Variants in SYN2 observed in about 807,000 individuals in gnomAD.
SYN2 encodes the protein synapsin II.
In SYN2, 19 loss-of-function variants were observed where a neutral mutation model predicts 50.9. The ratio of observed to expected loss-of-function variants is 0.37; its 90% CI spans 0.26 to 0.55. SYN2 has a LOEUF of 0.55. SYN2 is among the 20% of genes least tolerant of loss of function. The pLI is 0.81. For missense variants in SYN2, 587 were observed against 576.4 expected (o/e 1.02, Z -0.19); for synonymous variants, 255 against 224.9 (o/e 1.13, Z -1.20).
chr3:12,018,239 G>C (rs1694062634), intron 1 of SYN2, among the ~76,000 whole-genome samples: 2 of 152,144 alleles, frequency 1.3e-5, no homozygotes, highest in South Asian at 4.1e-4. Flanking sequence ...ATTTAGATTA[G>C]TGAGGAAGGA....
intron 1 of SYN2, chr3:12,071,502 G>T (rs1303156637): frequency 4.9e-6 from 2 of 407,474 alleles, no homozygotes; most frequent in Middle Eastern, 8.3e-4. Context: ...CTTGAAGCTT[G>T]TATCTGATAT....
intron 5 of SYN2, among the ~76,000 whole-genome samples, chr3:12,159,852 A>C (rs530023517): frequency 3.7e-4 from 56 of 151,640 alleles, no homozygotes; most frequent in African/African-American, 1.2e-3. Context: ...AGATCACCCT[A>C]GCCATCATGA....
intron 3 of SYN2, 41 bp downstream of exon 3, chr3:12,142,037 C>T (rs759357165): frequency 2.7e-5 from 21 of 779,042 alleles, no homozygotes; most frequent in Non-Finnish European, 2.6e-5. Flanking sequence ...TGACTGTCTC[C>T]AGAGTTACTA....
chr3:12,095,404 T>G (rs13061425), intron 1 of SYN2, among the ~76,000 whole-genome samples: 7,034 of 121,376 alleles, frequency 0.058, 203 homozygotes, highest in Non-Finnish European at 0.073. Flanking sequence ...AAAAATTAGC[T>G]GGGCATGGTG....
At chr3:12,098,675 A>G (rs985935081) in intron 1 of SYN2, among the ~76,000 whole-genome samples, 1 of 151,864 alleles carries the variant, frequency 6.6e-6, no homozygotes, top group Non-Finnish European at 1.5e-5. Context: ...ATATAGGGAA[A>G]ACAAGCAACA....
chr3:12,093,543 CT>C (rs1695871725), intron 1 of SYN2, among the ~76,000 whole-genome samples: 2 of 152,076 alleles, frequency 1.3e-5, no homozygotes. Flanking sequence ...TACATTTGGT[CT>C]TAATAATGGG....
intron 1 of SYN2, among the ~76,000 whole-genome samples, chr3:12,085,217 G>A (rs1695669071): frequency 2.0e-5 from 3 of 151,578 alleles, no homozygotes; most frequent in Non-Finnish European, 4.4e-5. Context: ...AAAGGAGCAG[G>A]AATAGCTATA....
chr3:12,053,526 G>GC (rs1462363051), intron 1 of SYN2, among the ~76,000 whole-genome samples: 1 of 151,900 alleles, frequency 6.6e-6, no homozygotes, highest in Non-Finnish European at 1.5e-5. Context: ...AGGTCTCACA[G>GC]CCCCCCTCTA....
At chr3:12,187,125 TC>T (rs1419797708) in intron 11 of SYN2, among the ~76,000 whole-genome samples, 2 of 152,096 alleles carry the variant, frequency 1.3e-5, no homozygotes, top group Non-Finnish European at 2.9e-5. Flanking sequence ...CGTCCCTGGT[TC>T]CTCCTTGTCC....
At chr3:12,114,166 T>C (rs1159322930) in intron 1 of SYN2, among the ~76,000 whole-genome samples, 1 of 152,060 alleles carries the variant, frequency 6.6e-6, no homozygotes, top group African/African-American at 2.4e-5. Context: ...TGATATCTCA[T>C]TGTGGTTTTG....
intron 7 of SYN2, among the ~76,000 whole-genome samples, chr3:12,162,967 G>A (rs777286653): frequency 2.0e-4 from 30 of 152,110 alleles, no homozygotes; most frequent in Non-Finnish European, 3.4e-4. Context: ...TGGGCCAGGC[G>A]CGGTGGCTCA....
chr3:12,101,727 T>G (rs1280108582), intron 1 of SYN2, among the ~76,000 whole-genome samples: 3 of 152,192 alleles, frequency 2.0e-5, no homozygotes, highest in Admixed American at 6.5e-5. Context: ...CTATGGCCCT[T>G]AAGCATGTTA....
chr3:12,070,255 G>T, intron 1 of SYN2: 1 of 462,334 alleles, frequency 2.2e-6, no homozygotes. Context: ...GCTGGTCATT[G>T]ACAGTGTCTC....
chr3:12,177,343 T>C lies in SYN2; in HGVS notation c.1309-5969T>C, dbSNP rs529320115. On this transcript the variant is annotated intron_variant, in intron 10 of 12. Coordinates refer to ENST00000621198, the MANE Select transcript of SYN2 (RefSeq NM_133625.6). ...TGCAATTTTTTTAGCTTATCAGCCA[T>C]TGTTAGTGTTAGTGTATGTGTGGCC... 2.0e-5 allele frequency among the ~76,000 whole-genome samples: 3 copies of C among 152,310 alleles called. No homozygotes were observed. The South Asian group carries it at 6.2e-4, about 32-fold the overall frequency.
intron 1 of SYN2, among the ~76,000 whole-genome samples, chr3:12,049,338 G>A (rs905092702): frequency 7.2e-5 from 11 of 151,922 alleles, no homozygotes; most frequent in African/African-American, 2.7e-4. Context: ...GGTCAACATG[G>A]TGAAACTCGT....
chr3:12,145,846 C>T lies in SYN2; in HGVS notation c.684+11C>T. 1 of 1,613,364 alleles carries T rather than the reference C, an allele frequency of 6.2e-7. No homozygotes were observed. ...GACAAGCCATGGGTGGTGAGTGAGG[C>T]CCCCTTCCCCCAAGTAAAAGGGTAG... is the stretch of plus-strand genomic sequence containing the variant. On this transcript the variant is annotated intron_variant, in intron 4 of 12. Transcript: ENST00000621198.
chr3:12,018,883 C>T (rs1487815199), intron 1 of SYN2, among the ~76,000 whole-genome samples: 1 of 152,094 alleles, frequency 6.6e-6, no homozygotes, highest in Non-Finnish European at 1.5e-5. Flanking sequence ...ACTTAGTTTC[C>T]TTTTAGGTAT....
chr3:12,086,781 C>T, intron 1 of SYN2, among the ~76,000 whole-genome samples: 1 of 152,122 alleles, frequency 6.6e-6, no homozygotes, highest in Non-Finnish European at 1.5e-5. Context: ...AAGTTGAAAG[C>T]TTTTTCTCTA....
rs772858226 is a variant in SYN2 at position 12,167,242 on chromosome 3, C to G, written c.989C>G (p.Ser330Trp). The G allele has an allele frequency of 6.2e-7, 1 of 1,612,614 alleles. No individual in the cohort carries two copies. Among genetic ancestry groups the G allele is most frequent in the Non-Finnish European group, 8.5e-7 (1 of 1,179,524 alleles). The change falls in exon 8 of 13, where the codon TCG becomes TGG. Residue 330 changes from serine to tryptophan, a missense_variant. Coordinates refer to ENST00000621198, the MANE Select transcript of SYN2 (RefSeq NM_133625.6). The part of the protein sequence containing the change: ...GNNYKAYMRT[S>W]ISGNWKTNTG... ...GTGGGATCTTGTTGCAGGAGGACAT[C>G]GATCTCAGGGAACTGGAAGACGAAC... is the stretch of plus-strand genomic sequence containing the variant.
Sources: gnomAD v4.1 joint callset for allele counts (sites outside exome capture counted in the v4.1 genomes callset) on GRCh38, gnomAD v4.1.1 for gene constraint, MANE v1.5 for transcripts, NCBI Gene and HGNC (gene_info 2026-07-23, HGNC 2026-07-21) for gene names.